Variants in ROBO2 observed in about 807,000 individuals in gnomAD.
The protein encoded by ROBO2 is roundabout homolog 2.
In ROBO2, 53 loss-of-function variants were observed where a neutral mutation model predicts 160.8. The observed-to-expected ratio is 0.33, with a 90% confidence interval of 0.26 to 0.41. ROBO2 has a LOEUF of 0.41. ROBO2 is among the 10% of genes least tolerant of loss of function. The pLI, the probability that ROBO2 is intolerant of heterozygous loss-of-function variation, is 1.00. For missense variants in ROBO2, 1,577 were observed against 1,722.4 expected, an observed-to-expected ratio of 0.92 and a Z score of 1.49; for synonymous variants, 664 against 611.7, an observed-to-expected ratio of 1.09 and a Z score of -1.26.
intron 2 of ROBO2, among the ~76,000 whole-genome samples, chr3:77,459,539 A>G (rs2082019452): frequency 1.3e-5 from 2 of 152,358 alleles, no homozygotes; most frequent in Middle Eastern, 3.4e-3. Context: ...TTTTATTAAA[A>G]GCAGATAGAT....
chr3:76,985,383 C>T (rs964519477), intron 2 of ROBO2, among the ~76,000 whole-genome samples: 5 of 151,546 alleles, frequency 3.3e-5, no homozygotes, highest in Non-Finnish European at 5.9e-5. Flanking sequence ...GAGATCGAGA[C>T]CATCCTGGCT....
chr3:77,647,742 TATG>T (rs1348967903), exon 26 of ROBO2: 1 of 152,188 alleles, frequency 6.6e-6, no homozygotes, highest in Non-Finnish European at 1.5e-5. Flanking sequence ...AAATTTTTCC[TATG>T]ATAAGTTCAG....
rs373797519 is a variant in ROBO2, at chr3:76,144,974, T to TA, written c.109+207382dup. ...ATGACCTTGTCATACAGCTGTGGCT[T>TA]AAAAAAAAAAGCATTGTCTACTGTA... is the stretch of plus-strand genomic sequence containing the variant. On this transcript the variant is annotated intron_variant, in intron 2 of 26. Coordinates refer to the ROBO2 transcript ENST00000487694. 3.3e-4 allele frequency among the ~76,000 whole-genome samples: 49 copies of TA among 147,368 alleles called. No homozygotes were observed. The East Asian group carries it at 3.6e-3, about 11-fold the overall frequency.
chr3:75,977,676 T>C (rs1160244892), intron 2 of ROBO2, among the ~76,000 whole-genome samples: 3 of 151,456 alleles, frequency 2.0e-5, no homozygotes, highest in African/African-American at 4.8e-5. Flanking sequence ...ATAAGGAAAT[T>C]TGAAAAGAGT....
At chr3:76,677,958 CTTTTTTTTTTTTTTTTT>C (rs1169307424) in intron 2 of ROBO2, among the ~76,000 whole-genome samples, 1 of 29,396 alleles carries the variant, frequency 3.4e-5, no homozygotes, top group African/African-American at 1.3e-4. Context: ...AGAAAATATG[CTTTTTTTTTTTTTTTTT>C]TTTTTTTTTT....
At chr3:77,450,916 A>G (rs531785631) in intron 2 of ROBO2, among the ~76,000 whole-genome samples, 3 of 149,844 alleles carry the variant, frequency 2.0e-5, no homozygotes, top group South Asian at 4.1e-4. Context: ...AAATTTATGA[A>G]AGAATTGCAC....
At chr3:76,966,373 C>T (rs1249252832) in intron 2 of ROBO2, among the ~76,000 whole-genome samples, 14 of 152,164 alleles carry the variant, frequency 9.2e-5, no homozygotes, top group Admixed American at 2.0e-4. Context: ...ATTTTTTCCA[C>T]TTTACTGTGA....
chr3:77,596,793 C>G, intron 19 of ROBO2, 43 bp downstream of exon 20: 1 of 1,508,922 alleles, frequency 6.6e-7, no homozygotes, highest in Admixed American at 2.1e-5. Context: ...AGTTCTCTCT[C>G]TCTTTTTTTT....
At chr3:76,760,047 G>C (rs1209278796) in intron 2 of ROBO2, among the ~76,000 whole-genome samples, 2 of 151,772 alleles carry the variant, frequency 1.3e-5, no homozygotes, top group East Asian at 3.9e-4. Context: ...TGATGAATAT[G>C]ATTTCAAGGA....
rs561972567 is a variant in ROBO2 at position 75,988,869 on chromosome 3, C to G, written c.109+51267C>G. On this transcript the variant is annotated intron_variant, in intron 2 of 26. Transcript: ENST00000487694. ...TTGTATGATGTTTATATATTAAAATCTGATGATATATAATTTGTTATGTCA... is the reference window on the plus strand; with the variant it reads ...TTGTATGATGTTTATATATTAAAATGTGATGATATATAATTTGTTATGTCA... 4.6e-5 allele frequency among the ~76,000 whole-genome samples: 7 copies of G among 151,788 alleles called. No individual in the cohort carries two copies. The South Asian group carries it at 1.5e-3, about 32-fold the overall frequency.
intron 2 of ROBO2, among the ~76,000 whole-genome samples, chr3:76,293,547 A>G (rs1318147499): frequency 6.6e-6 from 1 of 152,192 alleles, no homozygotes; most frequent in East Asian, 1.9e-4. Context: ...AAAAATAAGA[A>G]TGAGCAGAAC....
intron 2 of ROBO2, among the ~76,000 whole-genome samples, chr3:77,361,081 C>T (rs1343871548): frequency 6.6e-6 from 1 of 152,094 alleles, no homozygotes; most frequent in East Asian, 1.9e-4. Flanking sequence ...TGTTTATGCT[C>T]ATGCCTAGTT....
intron 2 of ROBO2, among the ~76,000 whole-genome samples, chr3:75,990,047 C>G (rs1455152939): frequency 6.6e-6 from 1 of 152,078 alleles, no homozygotes; most frequent in Non-Finnish European, 1.5e-5. Flanking sequence ...TTTCTAAAAA[C>G]CATTGTTAAA....
chr3:76,137,928 T>C (rs1393352136), intron 2 of ROBO2, among the ~76,000 whole-genome samples: 2 of 152,020 alleles, frequency 1.3e-5, no homozygotes, highest in African/African-American at 4.8e-5. Flanking sequence ...CAGGATAATC[T>C]TCCCATCTCA....
intron 2 of ROBO2, among the ~76,000 whole-genome samples, chr3:77,379,340 C>A (rs2073134224): frequency 1.3e-5 from 2 of 152,042 alleles, no homozygotes; most frequent in African/African-American, 2.4e-5. Context: ...AATATGGTGA[C>A]TTAATTTTGT....
intron 2 of ROBO2, among the ~76,000 whole-genome samples, chr3:77,166,800 C>T (rs1422266983): frequency 1.3e-5 from 2 of 152,148 alleles, no homozygotes; most frequent in Non-Finnish European, 2.9e-5. Context: ...ACCTCGTGAT[C>T]CGCCTGCATC....
intron 2 of ROBO2, among the ~76,000 whole-genome samples, chr3:76,067,160 C>T (rs2068281893): frequency 6.6e-6 from 1 of 152,020 alleles, no homozygotes; most frequent in South Asian, 2.1e-4. Context: ...AGATTTGACA[C>T]AAATCAGAAA....
chr3:75,961,053 C>T (rs1218041195), intron 2 of ROBO2, among the ~76,000 whole-genome samples: 3 of 151,502 alleles, frequency 2.0e-5, no homozygotes, highest in African/African-American at 7.3e-5. Flanking sequence ...TAAAAATTTA[C>T]AGGAAGAACT....
chr3:76,650,310 A>C (rs1245072886), intron 2 of ROBO2, among the ~76,000 whole-genome samples: 1 of 152,050 alleles, frequency 6.6e-6, no homozygotes, highest in Non-Finnish European at 1.5e-5. Flanking sequence ...ACATTGCATC[A>C]CTTTGGGAGG....
Sources: gnomAD v4.1 joint callset for allele counts (sites outside exome capture counted in the v4.1 genomes callset) on GRCh38, gnomAD v4.1.1 for gene constraint, MANE v1.5 for transcripts, NCBI Gene and HGNC (gene_info 2026-07-23, HGNC 2026-07-21) for gene names.